Variants in TIAM2 observed in about 807,000 individuals in gnomAD.
TIAM2 encodes rho guanine nucleotide exchange factor TIAM2.
Under a neutral mutation model 152.9 loss-of-function variants are expected in TIAM2, and 80 were observed. The observed-to-expected ratio is 0.52, with a 90% CI of 0.44 to 0.63. The LOEUF (loss-of-function observed/expected upper bound fraction) is 0.63. Among genes scored for constraint, TIAM2 ranks in the 30% least tolerant of loss-of-function variants. The pLI, the probability that TIAM2 is intolerant of heterozygous loss-of-function variation, is 0.00. For missense variants in TIAM2, 1,965 were observed against 2,120.1 expected (o/e 0.93, Z 1.44); for synonymous variants, 804 against 838.0 (o/e 0.96, Z 0.70).
At chr6:155,061,601 T>C (rs1000376613) in intron 1 of TIAM2, among the ~76,000 whole-genome samples, 1 of 152,224 alleles carries the variant, frequency 6.6e-6, no homozygotes, top group Admixed American at 6.5e-5. Context: ...ATGCAATAAA[T>C]TTACCGTCTA....
intron 1 of TIAM2, among the ~76,000 whole-genome samples, chr6:154,997,480 C>T (rs1474840230): frequency 6.6e-6 from 1 of 152,050 alleles, no homozygotes; most frequent in Admixed American, 6.6e-5. Context: ...GGAGAGGATA[C>T]ATTTGGCAAT....
intron 1 of TIAM2, among the ~76,000 whole-genome samples, chr6:155,011,413 G>A (rs949965029): frequency 5.6e-4 from 2 of 3,562 alleles, no homozygotes; most frequent in Non-Finnish European, 7.3e-4. Context: ...AGATCCTGTG[G>A]CTTCTCAATT....
chr6:155,163,864 T>G (rs552897638), intron 7 of TIAM2, among the ~76,000 whole-genome samples: 1 of 152,314 alleles, frequency 6.6e-6, no homozygotes, highest in East Asian at 1.9e-4. Context: ...ACAAACATCA[T>G]GCCTTTTTGG....
chr6:155,203,069 A>AAG (rs1781516826), intron 14 of TIAM2, among the ~76,000 whole-genome samples: 3 of 148,722 alleles, frequency 2.0e-5, no homozygotes, highest in South Asian at 2.1e-4. Flanking sequence ...AAAAAAAAAA[A>AAG]AGAGAAAGAT....
At position 155,240,585 on chromosome 6, in the gene TIAM2, G is replaced by A; in HGVS notation, c.3224G>A (p.Gly1075Asp). Reference protein sequence around the residue: ...CRSFNDSQANGMEGPRENQDP... With the variant: ...CRSFNDSQANDMEGPRENQDP... ...AGTTTTAACGACAGTCAGGCCAACGGCATGGAAGGACCGCGGGAGAATCAG... is the reference window on the plus strand; with the variant it reads ...AGTTTTAACGACAGTCAGGCCAACGACATGGAAGGACCGCGGGAGAATCAG... The change falls in exon 16 of 27, where the codon GGC (glycine) becomes GAC (aspartate). Residue 1075 changes from glycine to aspartate, a missense_variant. This residue lies in a region of TIAM2 where 935 missense variants were observed against 980.0 expected (regional missense o/e 0.95). Transcript: ENST00000682666. The A allele has an allele frequency of 2.0e-5, 32 of 1,614,120 alleles. No individual in the cohort carries two copies. Among genetic ancestry groups the A allele is most frequent in the Non-Finnish European group, 2.6e-5 (31 of 1,180,046 alleles).
At chr6:155,133,181 C>A (rs765184696) in intron 4 of TIAM2, among the ~76,000 whole-genome samples, 1 of 152,166 alleles carries the variant, frequency 6.6e-6, no homozygotes, top group Non-Finnish European at 1.5e-5. Context: ...TTGGTGAAAT[C>A]CCATCTCTAA....
intron 19 of TIAM2, 130 bp downstream of exon 19, chr6:155,245,861 G>C (rs945659224): frequency 1.9e-6 from 1 of 536,820 alleles, no homozygotes; most frequent in Non-Finnish European, 3.1e-6. Context: ...CCTTGACCTT[G>C]ACAGTGGCAA....
In TIAM2 at chr6:155,120,720, A is replaced by G. The variant is rs189046620; in HGVS notation, c.-117-6770A>G. ...GAACTACTGACATATTAGGCCAGAT[A>G]ATTAATTATTTGTTGTGGCGAACTG... is the stretch of plus-strand genomic sequence containing the variant. On this transcript the variant is annotated intron_variant, in intron 2 of 26. Coordinates refer to ENST00000682666, the MANE Select transcript of TIAM2 (RefSeq NM_012454.4). 1.3e-3 allele frequency among the ~76,000 whole-genome samples: 193 copies of G among 152,314 alleles called. 1 individual carries two copies. The highest frequency in any genetic ancestry group is 5.1e-4 in the Non-Finnish European group (35 of 68,034).
intron 7 of TIAM2, among the ~76,000 whole-genome samples, chr6:155,152,368 G>A (rs987800826): frequency 2.0e-5 from 3 of 152,134 alleles, no homozygotes; most frequent in Admixed American, 6.5e-5. Context: ...CTCCTCTCAG[G>A]CCCTGCCTGC....
At chr6:155,145,647 G>A (rs139704281) in intron 6 of TIAM2, among the ~76,000 whole-genome samples, 130 of 152,268 alleles carry the variant, frequency 8.5e-4, no homozygotes, top group Middle Eastern at 3.4e-3. Flanking sequence ...AGTGTTGGCC[G>A]TAGGTTACAT....
At position 155,129,200 on chromosome 6, in the gene TIAM2, C is replaced by T. The variant is rs747207948; in HGVS notation, c.-6-18C>T. On this transcript the variant is annotated intron_variant, in intron 3 of 26. Transcript: ENST00000682666. This position sits in a 1 kb window ranked among gnomAD's most constrained non-coding sequence, Gnocchi z 4.8. Reference sequence around the variant, plus strand: ...AATTTAGGCCACGGTCTTACTGATGCAACTGTTCTTAATTTAGGTTAAAAT... The same window carrying T: ...AATTTAGGCCACGGTCTTACTGATGTAACTGTTCTTAATTTAGGTTAAAAT... The T allele has an allele frequency of 2.5e-6, 4 of 1,602,326 alleles. No individual in the cohort carries two copies. The South Asian group carries it at 3.3e-5, about 13-fold the overall frequency.
intron 15 of TIAM2, among the ~76,000 whole-genome samples, chr6:155,239,415 G>T (rs138233802): frequency 6.6e-6 from 1 of 152,290 alleles, no homozygotes; most frequent in Non-Finnish European, 1.5e-5. Flanking sequence ...GCCCTCACTG[G>T]GCTTCCAGAT....
At chr6:155,113,797 T>C (rs571451578) in intron 2 of TIAM2, among the ~76,000 whole-genome samples, 14 of 151,996 alleles carry the variant, frequency 9.2e-5, no homozygotes, top group African/African-American at 3.4e-4. Context: ...GCAGGGATAC[T>C]TCTTTGGATG....
At chr6:155,240,003 G>A (rs1368943729) in intron 15 of TIAM2, among the ~76,000 whole-genome samples, 6 of 152,254 alleles carry the variant, frequency 3.9e-5, no homozygotes, top group Admixed American at 6.5e-5. Context: ...GGAGCTGAGC[G>A]GTTAGACTGG....
At chr6:155,027,924 A>G (rs1476599814) in intron 1 of TIAM2, among the ~76,000 whole-genome samples, 7 of 110,070 alleles carry the variant, frequency 6.4e-5, no homozygotes, top group Admixed American at 1.9e-4. Flanking sequence ...TGTGTTACAT[A>G]TATACTATAT....
At chr6:155,096,616 C>G (rs574390300) in intron 2 of TIAM2, among the ~76,000 whole-genome samples, 1 of 152,116 alleles carries the variant, frequency 6.6e-6, no homozygotes, top group African/African-American at 2.4e-5. Context: ...TGATATTTGT[C>G]TTTCTGTGCT....
At chr6:155,237,648 T>C (rs931623258) in intron 15 of TIAM2, among the ~76,000 whole-genome samples, 1 of 152,268 alleles carries the variant, frequency 6.6e-6, no homozygotes, top group Admixed American at 6.5e-5. Context: ...CTTGGACTTA[T>C]GTGCACTGGC....
chr6:155,165,070 G>C (rs998545012), intron 8 of TIAM2, among the ~76,000 whole-genome samples, 193 bp from the exon 9 acceptor site: 1 of 152,152 alleles, frequency 6.6e-6, no homozygotes, highest in Non-Finnish European at 1.5e-5. Flanking sequence ...CATGGAGAGA[G>C]CTGACTGTCA....
chr6:155,171,562 A>C (rs920869714), intron 9 of TIAM2, among the ~76,000 whole-genome samples: 3 of 151,536 alleles, frequency 2.0e-5, no homozygotes, highest in African/African-American at 7.3e-5. Flanking sequence ...TGAAAAAAAA[A>C]CCTAAAAAAC....
Sources: gnomAD v4.1 joint callset for allele counts (sites outside exome capture counted in the v4.1 genomes callset) on GRCh38, gnomAD v4.1.1 for gene constraint, gnomAD v4.1.1 regional missense constraint, Gnocchi (gnomAD v3.1) non-coding constraint, MANE v1.5 for transcripts, NCBI Gene and HGNC (gene_info 2026-07-23, HGNC 2026-07-21) for gene names.